Variants in PCCA observed in about 807,000 individuals in gnomAD.
PCCA encodes propionyl-CoA carboxylase alpha chain, mitochondrial.
Under a neutral mutation model 101.3 loss-of-function variants are expected in PCCA, and 74 were observed. The observed-to-expected ratio is 0.73, with a 90% CI of 0.61 to 0.89. PCCA has a LOEUF of 0.89. Ranked by LOEUF, PCCA falls within the 40% of genes least tolerant of loss-of-function variation. The pLI is 0.00. For missense variants in PCCA, 891 were observed against 907.0 expected (o/e 0.98, Z 0.23); for synonymous variants, 294 against 313.6 (o/e 0.94, Z 0.66).
chr13:100,403,456 T>C (rs1379705661), intron 19 of PCCA, among the ~76,000 whole-genome samples: 1 of 152,052 alleles, frequency 6.6e-6, no homozygotes, highest in East Asian at 1.9e-4. Flanking sequence ...CTCAGGGAGC[T>C]TCCAATCACG....
chr13:100,188,348 G>T (rs2057480385), intron 6 of PCCA, among the ~76,000 whole-genome samples: 1 of 110,818 alleles, frequency 9.0e-6, no homozygotes, highest in African/African-American at 3.4e-5. Flanking sequence ...AAGAAAGAAA[G>T]AATAATGAAT....
chr13:100,272,598 C>A (rs1341764538), intron 11 of PCCA, among the ~76,000 whole-genome samples: 1 of 152,088 alleles, frequency 6.6e-6, no homozygotes, highest in Non-Finnish European at 1.5e-5. Flanking sequence ...AAAAAAGTGA[C>A]ACTAAACAGA....
chr13:100,279,809 ATTTCT>A (rs920370444), intron 12 of PCCA, among the ~76,000 whole-genome samples: 10 of 152,182 alleles, frequency 6.6e-5, no homozygotes, highest in African/African-American at 2.4e-4. Flanking sequence ...TCTCTTTCAA[ATTTCT>A]TTACTAACCT....
intron 19 of PCCA, among the ~76,000 whole-genome samples, chr13:100,388,746 G>A (rs181280419): frequency 1.3e-5 from 2 of 152,288 alleles, no homozygotes; most frequent in Non-Finnish European, 1.5e-5. Flanking sequence ...AGTGAGCCAA[G>A]ATTGCAACAT....
chr13:100,105,288 C>T (rs1290732202), intron 2 of PCCA, among the ~76,000 whole-genome samples: 1 of 151,994 alleles, frequency 6.6e-6, no homozygotes, highest in Non-Finnish European at 1.5e-5. Context: ...TGATAAACTC[C>T]CTGTTATGAA....
At chr13:100,281,585 T>G (rs1260704037) in intron 12 of PCCA, among the ~76,000 whole-genome samples, 1 of 152,202 alleles carries the variant, frequency 6.6e-6, no homozygotes, top group African/African-American at 2.4e-5. Flanking sequence ...TTATAATACT[T>G]TGTTTAAAAA....
intron 20 of PCCA, among the ~76,000 whole-genome samples, chr13:100,443,378 C>G (rs1440834434): frequency 6.6e-6 from 1 of 151,452 alleles, no homozygotes; most frequent in East Asian, 1.9e-4. Context: ...TCGCTGGAGT[C>G]CAGGCAGTTG....
chr13:100,408,566 C>G lies in PCCA; in HGVS notation c.1747-17067C>G, dbSNP rs982483362. 2.0e-5 allele frequency among the ~76,000 whole-genome samples: 3 copies of G among 152,190 alleles called. No individual in the cohort carries two copies. In the East Asian group the frequency reaches 5.8e-4, roughly 29 times the overall value. On this transcript the variant is annotated intron_variant, in intron 19 of 23. Coordinates refer to ENST00000376285, the MANE Select transcript of PCCA (RefSeq NM_000282.4). ...ACAGATACCACACACAGTATATACA[C>G]AGACAGGCAAAAGAAAACCCAGTCA... is the stretch of plus-strand genomic sequence containing the variant.
intron 21 of PCCA, among the ~76,000 whole-genome samples, chr13:100,468,596 G>C (rs945891815): frequency 6.6e-6 from 1 of 152,132 alleles, no homozygotes. Flanking sequence ...ATCAACTTCT[G>C]CTAGCTTCAC....
intron 18 of PCCA, among the ~76,000 whole-genome samples, chr13:100,348,144 C>T (rs2072567650): frequency 6.6e-6 from 1 of 152,168 alleles, no homozygotes; most frequent in Non-Finnish European, 1.5e-5. Context: ...ATTGCTTTGT[C>T]ATGGGTGTGT....
At chr13:100,403,000 AT>A (rs752322601) in intron 19 of PCCA, among the ~76,000 whole-genome samples, 2,756 of 144,164 alleles carry the variant, frequency 0.019, 87 homozygotes, top group Admixed American at 0.096. Flanking sequence ...GGAGAACTTA[AT>A]TTTTTTTTTT....
In PCCA at chr13:100,394,703, C is replaced by T. The variant is rs2076964361; in HGVS notation, c.1746+26129C>T. ...TTTGCCTACAGTGCACAGGTCAGGT[C>T]TGCTTCTCAATAAATATGTTGAAAG... On this transcript the variant is annotated intron_variant, in intron 19 of 23. Transcript: ENST00000376285. The surrounding 1 kb of genome is among the most constrained non-coding windows in gnomAD (Gnocchi z 4.3). Among the ~76,000 whole-genome samples, 1 of 152,148 alleles carries T rather than the reference C, an allele frequency of 6.6e-6. No individual in the cohort carries two copies. The highest frequency in any genetic ancestry group is 2.1e-4 in the South Asian group (1 of 4,818).
At chr13:100,481,513 A>G (rs980309735) in intron 21 of PCCA, among the ~76,000 whole-genome samples, 1 of 152,288 alleles carries the variant, frequency 6.6e-6, no homozygotes, top group South Asian at 2.1e-4. Flanking sequence ...AGCCAAGATC[A>G]TGCCACTGCA....
At chr13:100,097,218 A>G (rs377721445) in intron 1 of PCCA, among the ~76,000 whole-genome samples, 6 of 152,270 alleles carry the variant, frequency 3.9e-5, no homozygotes, top group African/African-American at 1.4e-4. Context: ...GAAGACAGAA[A>G]GTAGATTAGT....
chr13:100,220,386 A>G (rs1050852782), intron 7 of PCCA, among the ~76,000 whole-genome samples: 4 of 151,158 alleles, frequency 2.6e-5, no homozygotes, highest in African/African-American at 9.7e-5. Context: ...CAGCCTCCCA[A>G]GTAGCTGGGA....
chr13:100,140,312 A>G (rs1647341013), intron 4 of PCCA, among the ~76,000 whole-genome samples: 1 of 152,190 alleles, frequency 6.6e-6, no homozygotes, highest in Non-Finnish European at 1.5e-5. Flanking sequence ...TGATTGAAGA[A>G]GAATGTTTCT....
chr13:100,300,034 G>A (rs1207543645), intron 12 of PCCA, among the ~76,000 whole-genome samples: 1 of 152,256 alleles, frequency 6.6e-6, no homozygotes, highest in Non-Finnish European at 1.5e-5. Flanking sequence ...CTTGAGTAGA[G>A]TGCTGAGATG....
intron 19 of PCCA, among the ~76,000 whole-genome samples, chr13:100,383,902 C>A (rs2076362494): frequency 6.6e-6 from 1 of 152,110 alleles, no homozygotes; most frequent in Non-Finnish European, 1.5e-5. Flanking sequence ...TGACGTTTTC[C>A]TTCTCTGCTA....
rs1318351775 is a variant in PCCA at position 100,527,762 on chromosome 13, T to C, written c.2118+10T>C. The C allele has an allele frequency of 1.3e-6, 2 of 1,596,888 alleles. No individual in the cohort carries two copies. Among genetic ancestry groups the C allele is most frequent in the Non-Finnish European group, 1.7e-6 (2 of 1,165,288 alleles). ...TGGGAAAACTGGCACGGTGAGTCCCTAAGTCCCCATCAGCCCAGGCCGGCC... is the reference window on the plus strand; with the variant it reads ...TGGGAAAACTGGCACGGTGAGTCCCCAAGTCCCCATCAGCCCAGGCCGGCC... On this transcript the variant is annotated intron_variant, in intron 23 of 23. Coordinates refer to ENST00000376285, the MANE Select transcript of PCCA (RefSeq NM_000282.4).
Sources: gnomAD v4.1 joint callset for allele counts (sites outside exome capture counted in the v4.1 genomes callset) on GRCh38, gnomAD v4.1.1 for gene constraint, Gnocchi (gnomAD v3.1) non-coding constraint, MANE v1.5 for transcripts, NCBI Gene and HGNC (gene_info 2026-07-23, HGNC 2026-07-21) for gene names.